Variants in DCTD observed in about 807,000 individuals in gnomAD.
DCTD encodes deoxycytidylate deaminase.
DCTD carries 23 observed loss-of-function variants against 21.0 expected under a neutral mutation model. The observed-to-expected ratio is 1.09, with a 90% CI of 0.79 to 1.55. The LOEUF is 1.55. DCTD is among the 40% of genes most tolerant of loss of function. The pLI, the probability that DCTD is intolerant of heterozygous loss-of-function variation, is 0.00. For missense variants in DCTD, 224 were observed against 230.0 expected (o/e 0.97, Z 0.17); for synonymous variants, 71 against 81.1 (o/e 0.88, Z 0.67).
chr4:182,893,954 G>A (rs757075425), intron 4 of DCTD, among the ~76,000 whole-genome samples: 3 of 152,234 alleles, frequency 2.0e-5, no homozygotes, highest in Non-Finnish European at 4.4e-5. Flanking sequence ...AGATGTGACA[G>A]TTTGAAAAAG....
chr4:182,899,794 A>G (rs557551043), intron 3 of DCTD, among the ~76,000 whole-genome samples: 1 of 152,228 alleles, frequency 6.6e-6, no homozygotes, highest in Non-Finnish European at 1.5e-5. Flanking sequence ...ATAACTGCCC[A>G]TCTTCTCCCC....
intron 3 of DCTD, among the ~76,000 whole-genome samples, chr4:182,902,241 T>C (rs1325979992): frequency 3.3e-5 from 5 of 152,184 alleles, no homozygotes; most frequent in African/African-American, 9.7e-5. Context: ...CAAAAGCTTA[T>C]GAAGTGTTCC....
chr4:182,894,755 C>T lies in DCTD; in HGVS notation c.245-150G>A, dbSNP rs6552620. On this transcript the variant is annotated intron_variant, in intron 3 of 5. Transcript: ENST00000438320. The stretch of plus-strand genomic sequence containing the variant: ...TAGAAATGGCAAGTCCTAAGAATAC[C>T]AAATGAGGCCCACGTGGTCTGGCTG... 5.1e-3 allele frequency: 3,330 copies of T among 649,766 alleles called. 79 individuals carry two copies. In the African/African-American group the frequency reaches 0.054, roughly 11 times the overall value. 40.3% of individuals were successfully genotyped at this position (649,766 alleles called of 1,614,324 possible).
intron 3 of DCTD, among the ~76,000 whole-genome samples, chr4:182,898,311 G>T (rs1052239479): frequency 6.6e-6 from 1 of 152,172 alleles, no homozygotes; most frequent in Non-Finnish European, 1.5e-5. Flanking sequence ...AAAGAGCTTT[G>T]CAACAAGGGC....
intron 2 of DCTD, 123 bp from the exon 3 acceptor site, chr4:182,915,181 G>C: frequency 7.8e-7 from 1 of 1,274,466 alleles, no homozygotes; most frequent in Non-Finnish European, 1.1e-6. Context: ...TGCAGGTGCT[G>C]AGAGCTGTCG....
At chr4:182,899,320 T>A (rs1483376977) in intron 3 of DCTD, among the ~76,000 whole-genome samples, 2 of 152,214 alleles carry the variant, frequency 1.3e-5, no homozygotes, top group African/African-American at 4.8e-5. Context: ...GTCCTTTTAT[T>A]TTTCCTGCCT....
chr4:182,901,576 C>T (rs897873592), intron 3 of DCTD, among the ~76,000 whole-genome samples: 3 of 152,124 alleles, frequency 2.0e-5, no homozygotes, highest in Non-Finnish European at 4.4e-5. Flanking sequence ...GCCGCCACCC[C>T]AGGCTGAGCC....
chr4:182,915,446 G>T lies in DCTD; in HGVS notation c.108+15C>A. 1 of 1,512,656 alleles carries T rather than the reference G, an allele frequency of 6.6e-7. No homozygotes were observed. Among genetic ancestry groups the T allele is most frequent in the Non-Finnish European group, 9.2e-7 (1 of 1,087,480 alleles). 93.7% of individuals were successfully genotyped at this position (1,512,656 alleles called of 1,614,324 possible). On this transcript the variant is annotated intron_variant, in intron 2 of 5. Coordinates refer to ENST00000438320, the MANE Select transcript of DCTD (RefSeq NM_001921.3). ...CCTGTGAGTATCTAAGCATTCTCCC[G>T]TGAAATTCATTTACCTGGGAATTTG...
Position 182,894,537 on chromosome 4 carries a change from C to T in DCTD, c.313G>A (p.Val105Ile), listed in dbSNP as rs777881225. The change falls in exon 4 of 6, where the codon GTT becomes ATT. Residue 105 changes from valine to isoleucine, a missense_variant. Val to Ile is a conservative substitution (Grantham distance 29). Coordinates refer to ENST00000438320, the MANE Select transcript of DCTD (RefSeq NM_001921.3). ...CATTCATTACAAGGGAACAAGGCAA[C>T]ATACATACTACAGCCTTTCACATCG... ...STDVKGCSMY[V>I]ALFPCNECAK... 5.0e-6 allele frequency: 8 copies of T among 1,613,980 alleles called. No individual in the cohort carries two copies. The highest frequency in any genetic ancestry group is 5.9e-6 in the Non-Finnish European group (7 of 1,179,946).
chr4:182,900,438 C>T (rs1324837030), intron 3 of DCTD, among the ~76,000 whole-genome samples: 1 of 152,084 alleles, frequency 6.6e-6, no homozygotes, highest in African/African-American at 2.4e-5. Context: ...CCCTAGAGTG[C>T]ACATTTTTGT....
chr4:182,917,375 A>G lies in DCTD; in HGVS notation c.-72T>C. The G allele has an allele frequency of 9.3e-7, 1 of 1,079,582 alleles. No homozygotes were observed. The highest frequency in any genetic ancestry group is 1.1e-6 in the Non-Finnish European group (1 of 891,272). The allele number at this position is 1,079,582 out of a possible 1,614,324, so 66.9% of individuals were successfully genotyped here. On this transcript the variant is annotated 5_prime_UTR_variant, in exon 1 of 6. Coordinates refer to ENST00000438320, the MANE Select transcript of DCTD (RefSeq NM_001921.3). The surrounding 1 kb of genome is among the most constrained non-coding windows in gnomAD (Gnocchi z 4.9). Reference sequence around the variant, plus strand: ...CCGCCGCCGCCGTGCTCAGGGAAGGAAGTCGGGGGAGGAGGCGGGGCCGCC... The same window carrying G: ...CCGCCGCCGCCGTGCTCAGGGAAGGGAGTCGGGGGAGGAGGCGGGGCCGCC...
At chr4:182,894,657 A>G (rs201444888) in intron 3 of DCTD, 52 bp from the exon 4 acceptor site, 14 of 1,107,468 alleles carry the variant, frequency 1.3e-5, no homozygotes, top group Non-Finnish European at 1.9e-5. Flanking sequence ...CTCATGAAGA[A>G]TTTACTAAGT....
intron 3 of DCTD, among the ~76,000 whole-genome samples, chr4:182,894,843 C>T (rs1026672780): frequency 1.3e-5 from 2 of 152,366 alleles, no homozygotes; most frequent in Admixed American, 1.3e-4. Flanking sequence ...AGGTCAAGTG[C>T]CTTCCCCACC....
intron 3 of DCTD, among the ~76,000 whole-genome samples, chr4:182,906,496 T>C (rs1253650379): frequency 6.6e-6 from 1 of 152,178 alleles, no homozygotes; most frequent in African/African-American, 2.4e-5. Flanking sequence ...AATGACCACA[T>C]GTGATGGTGT....
At chr4:182,913,195 G>A (rs1344939412) in intron 3 of DCTD, among the ~76,000 whole-genome samples, 1 of 152,118 alleles carries the variant, frequency 6.6e-6, no homozygotes, top group Admixed American at 6.5e-5. Context: ...CTGAGTCCGC[G>A]CATTTTTCTA....
chr4:182,903,909 C>T (rs1437486359), intron 3 of DCTD, among the ~76,000 whole-genome samples: 4 of 152,194 alleles, frequency 2.6e-5, no homozygotes, highest in African/African-American at 7.2e-5. Flanking sequence ...TCTCCAAGAA[C>T]GGTTAGAAAG....
Position 182,909,386 on chromosome 4 carries a change from C to T in DCTD, c.244+5537G>A, listed in dbSNP as rs533966707. 3.1e-4 allele frequency among the ~76,000 whole-genome samples: 47 copies of T among 152,298 alleles called. No homozygotes were observed. The South Asian group carries it at 7.2e-3, about 23-fold the overall frequency. On this transcript the variant is annotated intron_variant, in intron 3 of 5. Coordinates refer to ENST00000438320, the MANE Select transcript of DCTD (RefSeq NM_001921.3). ...CCCCTTGATTCGTAAAAATAATCTA[C>T]TTAATTTCTTTTCTATGCAGTTGTT... is the stretch of plus-strand genomic sequence containing the variant.
At chr4:182,903,338 C>T (rs573144465) in intron 3 of DCTD, among the ~76,000 whole-genome samples, 1 of 152,188 alleles carries the variant, frequency 6.6e-6, no homozygotes, top group African/African-American at 2.4e-5. Flanking sequence ...CTCCTGCCCC[C>T]AGCCCAGCCC....
chr4:182,891,778 AC>A (rs1449750614), intron 5 of DCTD, among the ~76,000 whole-genome samples: 1 of 152,164 alleles, frequency 6.6e-6, no homozygotes, highest in African/African-American at 2.4e-5. Flanking sequence ...ATATCCGATT[AC>A]TAGTTTTCCC....
Sources: gnomAD v4.1 joint callset for allele counts (sites outside exome capture counted in the v4.1 genomes callset) on GRCh38, gnomAD v4.1.1 for gene constraint, Gnocchi (gnomAD v3.1) non-coding constraint, MANE v1.5 for transcripts, NCBI Gene and HGNC (gene_info 2026-07-23, HGNC 2026-07-21) for gene names.